The following CDC40 variants were observed in gnomAD, a reference collection of about 807,000 sequenced individuals.
CDC40 encodes cell division cycle 40.
Under a neutral mutation model 80.6 loss-of-function variants are expected in CDC40, and 27 were observed. The ratio of observed to expected loss-of-function variants is 0.33; its 90% CI spans 0.25 to 0.46. The LOEUF is 0.46. Among genes scored for constraint, CDC40 ranks in the 20% least tolerant of loss-of-function variants. The pLI is 1.00. For synonymous variants in CDC40, 221 were observed against 232.6 expected (o/e 0.95, Z 0.45); for missense variants, 486 against 694.1 (o/e 0.70, Z 3.37).
intron 2 of CDC40, among the ~76,000 whole-genome samples, chr6:110,197,225 A>C (rs1777429761): frequency 6.6e-6 from 1 of 152,198 alleles, no homozygotes; most frequent in African/African-American, 2.4e-5. Flanking sequence ...CAGATGTTTA[A>C]GAATACTTTT....
At chr6:110,217,501 A>G (rs1777715048) in intron 9 of CDC40, among the ~76,000 whole-genome samples, 1 of 152,106 alleles carries the variant, frequency 6.6e-6, no homozygotes, top group South Asian at 2.1e-4. Context: ...GAGCTTCTTC[A>G]AGGGGAAAAA....
intron 13 of CDC40, among the ~76,000 whole-genome samples, chr6:110,228,492 T>C (rs568929463): frequency 2.2e-4 from 34 of 152,272 alleles, no homozygotes; most frequent in Admixed American, 2.1e-3. Flanking sequence ...AGTTCTGTTG[T>C]CTATACTTAC....
chr6:110,203,460 T>C (rs181428870), intron 3 of CDC40, among the ~76,000 whole-genome samples: 1 of 152,206 alleles, frequency 6.6e-6, no homozygotes, highest in Admixed American at 6.5e-5. Flanking sequence ...ACCTTTCTTA[T>C]ACCTTGTAGT....
chr6:110,211,399 A>T (rs1366671535), intron 6 of CDC40: 2 of 152,316 alleles, frequency 1.3e-5, no homozygotes, highest in East Asian at 1.9e-4. Context: ...ATAGCTTAGC[A>T]TTTACAGTGT....
At chr6:110,206,145 T>C (rs891072421) in intron 3 of CDC40, among the ~76,000 whole-genome samples, 1 of 151,996 alleles carries the variant, frequency 6.6e-6, no homozygotes, top group African/African-American at 2.4e-5. Flanking sequence ...TGTTTTTTTG[T>C]GTGTGTGTGT....
In CDC40 at chr6:110,201,300, G is replaced by T. The variant is rs577905806; in HGVS notation, c.277-258G>T. On this transcript the variant is annotated intron_variant, in intron 2 of 14. Coordinates refer to ENST00000307731, the MANE Select transcript of CDC40 (RefSeq NM_015891.3). ...TGAATGTAGTAGCTGACAACCACAT[G>T]GGGCTACTGAGCTCTTGAAATAAAT... Among the ~76,000 whole-genome samples, 14 of 152,270 alleles carry T rather than the reference G, an allele frequency of 9.2e-5. 1 individual carries two copies. The South Asian group carries it at 2.7e-3, about 29-fold the overall frequency.
intron 11 of CDC40, 51 bp from the exon 12 acceptor site, chr6:110,219,685 C>T (rs1777743737): frequency 3.2e-6 from 5 of 1,582,194 alleles, no homozygotes; most frequent in Non-Finnish European, 4.3e-6. Context: ...TATGGTCTTT[C>T]ATAAATCCAC....
chr6:110,215,048 T>C (rs1001310415), intron 8 of CDC40, among the ~76,000 whole-genome samples: 5 of 152,192 alleles, frequency 3.3e-5, no homozygotes, highest in African/African-American at 1.2e-4. Context: ...TAAATATCTT[T>C]AAAACTCTTT....
In CDC40 at chr6:110,217,958, C is replaced by T. The variant is rs543430572; in HGVS notation, c.1090+155C>T. ...AATATCACAAAATACATTTGTAAGT[C>T]GAAACTGAGCATGAGTAGCTCTTTC... On this transcript the variant is annotated intron_variant, in intron 10 of 14. Transcript: ENST00000307731. 2.0e-4 allele frequency among the ~76,000 whole-genome samples: 31 copies of T among 152,332 alleles called. 1 individual carries two copies. In the South Asian group the frequency reaches 5.2e-3, roughly 25 times the overall value.
At chr6:110,227,099 A>G (rs1443477585) in intron 13 of CDC40, among the ~76,000 whole-genome samples, 1 of 152,228 alleles carries the variant, frequency 6.6e-6, no homozygotes, top group African/African-American at 2.4e-5. Context: ...AGAACACTTT[A>G]GCAATTCACT....
At chr6:110,215,079 CTG>C (rs549675821) in intron 8 of CDC40, among the ~76,000 whole-genome samples, 12 of 152,108 alleles carry the variant, frequency 7.9e-5, no homozygotes, top group African/African-American at 2.9e-4. Context: ...GTGTGTGACT[CTG>C]TGTGTGTGTG....
At position 110,213,595 on chromosome 6, in the gene CDC40, T is replaced by C. The variant is rs542816353; in HGVS notation, c.942+435T>C. On this transcript the variant is annotated intron_variant, in intron 8 of 14. Transcript: ENST00000307731. ...AACTGATGAGAATGTAATCCAATCA[T>C]TTTGGCTTTGGACATATAAATATTT... 2.0e-5 allele frequency among the ~76,000 whole-genome samples: 3 copies of C among 152,242 alleles called. No homozygotes were observed. In the South Asian group the frequency reaches 6.2e-4, roughly 32 times the overall value.
At chr6:110,213,324 A>G (rs1245574324) in intron 8 of CDC40, among the ~76,000 whole-genome samples, 164 bp downstream of exon 8, 1 of 152,042 alleles carries the variant, frequency 6.6e-6, no homozygotes, top group Non-Finnish European at 1.5e-5. Context: ...CAAACATAAA[A>G]TCAACTATGG....
At chr6:110,197,549 A>G (rs1363717753) in intron 2 of CDC40, among the ~76,000 whole-genome samples, 1 of 152,094 alleles carries the variant, frequency 6.6e-6, no homozygotes, top group East Asian at 1.9e-4. Context: ...TTGAAATTGT[A>G]CATCCTTTGA....
chr6:110,220,006 TTTTAACTA>T, intron 12 of CDC40, 137 bp downstream of exon 12: 1 of 778,952 alleles, frequency 1.3e-6, no homozygotes, highest in Non-Finnish European at 2.0e-6. Flanking sequence ...AATCAAACTG[TTTTAACTA>T]TTTAAGTACT....
intron 3 of CDC40, among the ~76,000 whole-genome samples, chr6:110,203,294 T>C (rs779904449): frequency 5.3e-5 from 8 of 152,222 alleles, no homozygotes; most frequent in Non-Finnish European, 1.0e-4. Flanking sequence ...AATTTTCTTA[T>C]AGAAAGTTCT....
intron 3 of CDC40, among the ~76,000 whole-genome samples, chr6:110,204,659 C>CTTTTTT (rs55895216): frequency 4.2e-5 from 5 of 119,302 alleles, no homozygotes; most frequent in East Asian, 2.3e-4. Flanking sequence ...TCCTATTTCT[C>CTTTTTT]TTTTTTTTTT....
chr6:110,211,622 A>G (rs1258402984), intron 6 of CDC40: 1 of 152,940 alleles, frequency 6.5e-6, no homozygotes, highest in East Asian at 1.9e-4. Flanking sequence ...TTTAATTCTC[A>G]CAGGTGACTT....
intron 1 of CDC40, among the ~76,000 whole-genome samples, chr6:110,185,168 G>A (rs1478098998): frequency 6.6e-6 from 1 of 151,898 alleles, no homozygotes; most frequent in Non-Finnish European, 1.5e-5. Context: ...ATTTCAGGCT[G>A]TGCTGGCCCC....
Sources: gnomAD v4.1 joint callset for allele counts (sites outside exome capture counted in the v4.1 genomes callset) on GRCh38, gnomAD v4.1.1 for gene constraint, MANE v1.5 for transcripts, NCBI Gene and HGNC (gene_info 2026-07-23, HGNC 2026-07-21) for gene names.